Variants in SAMD3 observed in about 807,000 individuals in gnomAD.
The protein encoded by SAMD3 is sterile alpha motif domain containing 3.
Under a neutral mutation model 58.5 loss-of-function variants are expected in SAMD3, and 63 were observed. The observed-to-expected ratio is 1.08, with a 90% CI of 0.88 to 1.33. The LOEUF (loss-of-function observed/expected upper bound fraction) is 1.33, where lower values mean the gene tolerates loss of function less well. Ranked by LOEUF, SAMD3 falls within the 40% of genes most tolerant of loss-of-function variation. The pLI is 0.00. For synonymous variants in SAMD3, 220 were observed against 210.3 expected (o/e 1.05, Z -0.40); for missense variants, 604 against 608.4 (o/e 0.99, Z 0.08).
chr6:130,352,912 T>C (rs1306429125), intron 1 of SAMD3, among the ~76,000 whole-genome samples: 1 of 152,212 alleles, frequency 6.6e-6, no homozygotes, highest in East Asian at 1.9e-4. Flanking sequence ...TTAATAATTG[T>C]TTAAAACCAA....
chr6:130,278,618 C>T (rs1303636997), intron 2 of SAMD3, among the ~76,000 whole-genome samples: 1 of 152,070 alleles, frequency 6.6e-6, no homozygotes, highest in Non-Finnish European at 1.5e-5. Flanking sequence ...ATTGAGATGG[C>T]TCAATTCAAG....
intron 1 of SAMD3, among the ~76,000 whole-genome samples, chr6:130,328,985 G>A (rs1352126817): frequency 6.6e-6 from 1 of 151,998 alleles, no homozygotes; most frequent in African/African-American, 2.4e-5. Flanking sequence ...ATTGTCTTTA[G>A]ATGGCCACAA....
At chr6:130,187,312 T>G (rs1253857122) in intron 5 of SAMD3, among the ~76,000 whole-genome samples, 1 of 151,194 alleles carries the variant, frequency 6.6e-6, no homozygotes, top group Non-Finnish European at 1.5e-5. Context: ...TTTCCCTCCT[T>G]TTTTTTTTCA....
At chr6:130,187,247 T>C (rs1793083059) in intron 5 of SAMD3, among the ~76,000 whole-genome samples, 1 of 152,218 alleles carries the variant, frequency 6.6e-6, no homozygotes, top group Non-Finnish European at 1.5e-5. Flanking sequence ...AAGTTCAATG[T>C]TCCAGTGTTA....
intron 2 of SAMD3, chr6:130,215,875 A>G (rs1222944379): frequency 5.3e-6 from 8 of 1,510,522 alleles, no homozygotes; most frequent in Non-Finnish European, 7.1e-6. Context: ...AAGAGGAAGT[A>G]GGACCCACAT....
At chr6:130,233,128 G>A (rs1163504217) in intron 2 of SAMD3, among the ~76,000 whole-genome samples, 3 of 152,134 alleles carry the variant, frequency 2.0e-5, no homozygotes, top group Non-Finnish European at 2.9e-5. Context: ...AAGTTCAGGG[G>A]TCTCCAGGGC....
At chr6:130,292,253 CT>C (rs1206714773) in intron 2 of SAMD3, among the ~76,000 whole-genome samples, 48 of 144,006 alleles carry the variant, frequency 3.3e-4, no homozygotes, top group African/African-American at 1.1e-3. Context: ...TCAGGAATAA[CT>C]TTTTTTTTCT....
intron 2 of SAMD3, among the ~76,000 whole-genome samples, chr6:130,249,693 C>T (rs559344694): frequency 6.6e-6 from 1 of 151,904 alleles, no homozygotes; most frequent in Non-Finnish European, 1.5e-5. Flanking sequence ...CACTCCAGAC[C>T]CACCTAGTAA....
At chr6:130,163,126 C>T (rs2114620525) in intron 8 of SAMD3, among the ~76,000 whole-genome samples, 1 of 151,700 alleles carries the variant, frequency 6.6e-6, no homozygotes, top group Middle Eastern at 3.4e-3. Context: ...AGTGCAAACA[C>T]TGTATTTCAA....
chr6:130,291,675 G>T (rs1233307945), intron 2 of SAMD3, among the ~76,000 whole-genome samples: 4 of 152,156 alleles, frequency 2.6e-5, no homozygotes, highest in African/African-American at 9.7e-5. Flanking sequence ...AATGTTATTT[G>T]CTAATAATCA....
chr6:130,215,472 C>G (rs999038667), intron 2 of SAMD3, 178 bp from the exon 3 acceptor site: 3 of 1,334,760 alleles, frequency 2.2e-6, no homozygotes, highest in African/African-American at 1.5e-5. Flanking sequence ...CACACACTCA[C>G]TTTAAAAATA....
chr6:130,193,600 C>T (rs1209426635), intron 5 of SAMD3, among the ~76,000 whole-genome samples: 4 of 152,092 alleles, frequency 2.6e-5, no homozygotes, highest in African/African-American at 9.7e-5. Context: ...GGCAACTTTC[C>T]ACCCTCCATT....
chr6:130,186,131 A>C (rs187963526), intron 5 of SAMD3, among the ~76,000 whole-genome samples: 13 of 152,222 alleles, frequency 8.5e-5, no homozygotes, highest in Admixed American at 3.3e-4. Flanking sequence ...ACCCATTTAT[A>C]AATAGGATCG....
chr6:130,322,938 G>T (rs1422312289), intron 1 of SAMD3, among the ~76,000 whole-genome samples: 1 of 151,894 alleles, frequency 6.6e-6, no homozygotes, highest in East Asian at 1.9e-4. Context: ...CCACTAGTTT[G>T]TTTTTTTCCT....
At chr6:130,266,851 A>C (rs1420467857) in intron 2 of SAMD3, among the ~76,000 whole-genome samples, 1 of 152,224 alleles carries the variant, frequency 6.6e-6, no homozygotes, top group East Asian at 1.9e-4. Context: ...AAGATGATGA[A>C]TGGCCTCCTG....
At chr6:130,195,418 C>A (rs1371988500) in intron 5 of SAMD3, among the ~76,000 whole-genome samples, 2 of 152,158 alleles carry the variant, frequency 1.3e-5, no homozygotes, top group Non-Finnish European at 2.9e-5. Flanking sequence ...ACTCTCCTTA[C>A]AATTCCCCCA....
intron 7 of SAMD3, among the ~76,000 whole-genome samples, chr6:130,183,847 G>A (rs1232801611): frequency 6.6e-6 from 1 of 151,390 alleles, no homozygotes; most frequent in East Asian, 1.9e-4. Flanking sequence ...GAGAGAGCCA[G>A]AGAGAGAGAG....
At chr6:130,189,205 G>A (rs748230883) in intron 5 of SAMD3, among the ~76,000 whole-genome samples, 1 of 151,822 alleles carries the variant, frequency 6.6e-6, no homozygotes, top group Admixed American at 6.6e-5. Flanking sequence ...AACCTCCAAC[G>A]TGACTGTACT....
At chr6:130,250,787 C>T (rs1318698695) in intron 2 of SAMD3, among the ~76,000 whole-genome samples, 1 of 152,130 alleles carries the variant, frequency 6.6e-6, no homozygotes, top group East Asian at 1.9e-4. Context: ...TTTTCTATGA[C>T]CACATAATAT....
Sources: allele counts gnomAD v4.1 joint callset (sites outside exome capture counted in the v4.1 genomes callset), GRCh38; gene constraint gnomAD v4.1.1; transcripts MANE v1.5; gene names NCBI Gene and HGNC (gene_info 2026-07-23, HGNC 2026-07-21).